The following KIZ variants were observed in gnomAD, a reference collection of about 807,000 sequenced individuals.
KIZ encodes kizuna centrosomal protein.
A neutral mutation model predicts 79.6 loss-of-function variants in KIZ; 68 were observed. That is an observed-to-expected ratio of 0.85 (90% confidence interval 0.70 to 1.05). KIZ has a LOEUF of 1.05. Ranked by LOEUF, KIZ falls within the 50% of genes least tolerant of loss-of-function variation. The pLI is 0.00. For synonymous variants in KIZ, 280 were observed against 281.8 expected (o/e 0.99, Z 0.06); for missense variants, 797 against 800.4 (o/e 1.00, Z 0.05).
intron 6 of KIZ, chr20:21,196,937 TAGG>T (rs2035368020): frequency 7.2e-5 from 11 of 152,248 alleles, no homozygotes; most frequent in Admixed American, 7.2e-4. Flanking sequence ...AGCCATCAAC[TAGG>T]TCCAGTAACT....
chr20:21,160,591 T>G (rs1357845702), intron 4 of KIZ, among the ~76,000 whole-genome samples: 1 of 152,178 alleles, frequency 6.6e-6, no homozygotes, highest in African/African-American at 2.4e-5. Context: ...ATATTTCTCC[T>G]AATTATTGGA....
rs78242035 is a variant in KIZ, at chr20:21,192,073, C to T, written c.1353-13418C>T. Among the ~76,000 whole-genome samples, 1,059 of 152,174 alleles carry T rather than the reference C, an allele frequency of 7.0e-3. 16 individuals are homozygous for T. Among genetic ancestry groups the T allele is most frequent in the African/African-American group, 0.024 (1,016 of 41,514 alleles). On this transcript the variant is annotated intron_variant, in intron 6 of 12. Transcript: ENST00000619189. ...AGGGCTCCAAGGAGCAGGATCAGGA[C>T]GGAAGGTAGGGCCAACCCCATGAAA... is the stretch of plus-strand genomic sequence containing the variant.
intron 9 of KIZ, chr20:21,218,189 C>T (rs1193736746): frequency 2.0e-5 from 3 of 152,136 alleles, no homozygotes; most frequent in African/African-American, 7.2e-5. Context: ...TGATACTTTT[C>T]CAATTTCCAC....
At chr20:21,207,821 C>T (rs1280290502) in intron 7 of KIZ, among the ~76,000 whole-genome samples, 1 of 152,106 alleles carries the variant, frequency 6.6e-6, no homozygotes, top group Non-Finnish European at 1.5e-5. Context: ...AGCAATTCTC[C>T]TGCCTCAGCC....
At position 21,200,331 on chromosome 20, in the gene KIZ, C is replaced by T. The variant is rs142543575; in HGVS notation, c.1353-5160C>T. On this transcript the variant is annotated intron_variant, in intron 6 of 12. Coordinates refer to ENST00000619189, the MANE Select transcript of KIZ (RefSeq NM_018474.6). ...TGTTTAAGACAGTTTTTCCATGGAG[C>T]GGGTTTAGGGAGGTGTGGGCAGGGG... Among the ~76,000 whole-genome samples the T allele has an allele frequency of 1.2e-4, 18 of 152,008 alleles. No homozygotes were observed. The South Asian group carries it at 2.3e-3, about 19-fold the overall frequency.
intron 4 of KIZ, chr20:21,150,746 AC>A (rs1422857046): frequency 6.6e-6 from 1 of 152,156 alleles, no homozygotes; most frequent in Non-Finnish European, 1.5e-5. Flanking sequence ...CTCCCAGCTC[AC>A]TTGACAGTAA....
chr20:21,162,474 CAA>C lies in KIZ; in HGVS notation c.1010_1011del (p.Gln337ArgfsTer40), dbSNP rs781021625. On this transcript the variant is annotated frameshift_variant, in exon 5 of 13. Coordinates refer to ENST00000619189, the MANE Select transcript of KIZ (RefSeq NM_018474.6). LOFTEE classifies it high-confidence loss of function. ...EYCESENKWS[Q>X]EKHSPWEGVS... ...CTGTGAATCTGAAAATAAGTGGTCT[CAA>C]GAGAAGCATTCTCCTTGGGAAGGTG... 8.7e-6 allele frequency: 14 copies of C among 1,612,960 alleles called. No homozygotes were observed. The highest frequency in any genetic ancestry group is 1.1e-5 in the Non-Finnish European group (13 of 1,179,418).
chr20:21,205,539 G>A lies in KIZ; in HGVS notation c.1401G>A (p.Gln467=), dbSNP rs2123187245. The A allele has an allele frequency of 1.3e-6, 2 of 1,572,058 alleles. No homozygotes were observed. Among genetic ancestry groups the A allele is most frequent in the East Asian group, 4.6e-5 (2 of 43,546 alleles). ...ACGTACCGAGGGCACAGGTGGGTCA[G>A]CATGTTGCCACCTTGAAAGAACATG... ...DSDVPRAQVG[Q]HVATLKEHDN... Residue 467 remains glutamine (Q), a synonymous_variant, in exon 7 of 13, where the codon CAG becomes CAA. Transcript: ENST00000619189.
At chr20:21,214,495 T>G in intron 7 of KIZ, 40 bp from the exon 8 acceptor site, 1 of 1,515,836 alleles carries the variant, frequency 6.6e-7, no homozygotes, top group Non-Finnish European at 9.0e-7. Context: ...GTGGCTACAG[T>G]TTGTTTTTAT....
At chr20:21,198,268 T>A (rs1314418355) in intron 6 of KIZ, 1 of 152,198 alleles carries the variant, frequency 6.6e-6, no homozygotes, top group Non-Finnish European at 1.5e-5. Context: ...TTCACTGTGT[T>A]AGCCAGGATG....
chr20:21,127,426 T>G (rs2031552133), intron 1 of KIZ, among the ~76,000 whole-genome samples: 1 of 152,232 alleles, frequency 6.6e-6, no homozygotes, highest in African/African-American at 2.4e-5. Flanking sequence ...TATTTTTGTT[T>G]CCTGTGCTAG....
At chr20:21,188,124 T>C (rs2034961103) in intron 6 of KIZ, among the ~76,000 whole-genome samples, 1 of 152,146 alleles carries the variant, frequency 6.6e-6, no homozygotes, top group South Asian at 2.1e-4. Flanking sequence ...CCATAAAACC[T>C]AAAAATATTA....
rs56314647 is a variant in KIZ, at chr20:21,142,790, C to CAAAT, written c.316-2751_316-2748dup. 4.0e-3 allele frequency among the ~76,000 whole-genome samples: 587 copies of CAAAT among 147,866 alleles called. 7 individuals are homozygous for CAAAT. The East Asian group carries it at 0.04, about 10-fold the overall frequency. On this transcript the variant is annotated intron_variant, in intron 3 of 12. Transcript: ENST00000619189. ...TGGGTGACAGAGCAAGCCCTTGTCT[C>CAAAT]AAATAAATAAATAAATAAATAAATA...
intron 6 of KIZ, among the ~76,000 whole-genome samples, chr20:21,199,049 A>C (rs777264382): frequency 1.1e-4 from 17 of 152,190 alleles, no homozygotes; most frequent in Non-Finnish European, 2.2e-4. Context: ...TGTGGTGTAT[A>C]GCATGGGAAG....
intron 4 of KIZ, among the ~76,000 whole-genome samples, chr20:21,147,100 C>T (rs753109302): frequency 3.3e-5 from 5 of 152,064 alleles, no homozygotes; most frequent in Admixed American, 6.5e-5. Flanking sequence ...ATTCTTAGCA[C>T]GGCAGTGTCA....
intron 6 of KIZ, among the ~76,000 whole-genome samples, chr20:21,183,382 T>C (rs1223348398): frequency 6.6e-6 from 1 of 152,216 alleles, no homozygotes; most frequent in Non-Finnish European, 1.5e-5. Flanking sequence ...TTTTATGACA[T>C]GTGAGTCATA....
rs2037181475 is a variant in KIZ at position 21,240,591 on chromosome 20, T to C, written c.1881-3654T>C. Among the ~76,000 whole-genome samples the C allele has an allele frequency of 2.0e-5, 3 of 152,244 alleles. No homozygotes were observed. In the South Asian group the frequency reaches 6.2e-4, roughly 31 times the overall value. ...CCTCTGGGGTTCCAAGAGTCGCTCC[T>C]GAGCCATGGTGCGGGGGAAAGGCAG... is the stretch of plus-strand genomic sequence containing the variant. On this transcript the variant is annotated intron_variant, in intron 11 of 12. Transcript: ENST00000619189.
Position 21,166,432 on chromosome 20 carries a change from GTCA to G in KIZ, c.1352+3277_1352+3279del. On this transcript the variant is annotated intron_variant, in intron 6 of 12. Transcript: ENST00000619189. ...TTCACAACAATTTCCCAGCTCTGTG[GTCA>G]TCAATGATTTCAAATTCGCCAGTGT... The G allele has an allele frequency of 2.5e-6, 4 of 1,592,604 alleles. No homozygotes were observed. In the South Asian group the frequency reaches 4.4e-5, roughly 18 times the overall value.
chr20:21,208,585 C>T (rs903623184), intron 7 of KIZ, among the ~76,000 whole-genome samples: 1 of 152,056 alleles, frequency 6.6e-6, no homozygotes, highest in African/African-American at 2.4e-5. Flanking sequence ...CGCCTGTAGT[C>T]CCAGCTACTT....
Sources: gnomAD v4.1 joint callset for allele counts (sites outside exome capture counted in the v4.1 genomes callset) on GRCh38, gnomAD v4.1.1 for gene constraint, MANE v1.5 for transcripts, NCBI Gene and HGNC (gene_info 2026-07-23, HGNC 2026-07-21) for gene names.